Variants in FLVCR1 observed in about 807,000 individuals in gnomAD.
FLVCR1 encodes FLVCR choline and heme transporter 1.
FLVCR1 carries 34 observed loss-of-function variants against 53.6 expected under a neutral mutation model. The observed-to-expected ratio is 0.63, with a 90% CI of 0.48 to 0.84. The LOEUF (loss-of-function observed/expected upper bound fraction) is 0.84. Among genes scored for constraint, FLVCR1 ranks in the 40% least tolerant of loss-of-function variants. FLVCR1 has a pLI of 0.00. For synonymous variants in FLVCR1, 300 were observed against 286.3 expected (o/e 1.05, Z -0.48); for missense variants, 677 against 696.7 (o/e 0.97, Z 0.32).
chr1:212,873,183 C>T (rs41297446), intron 3 of FLVCR1, among the ~76,000 whole-genome samples: 33,848 of 151,698 alleles, frequency 0.22, 4,397 homozygotes, highest in East Asian at 0.44. Context: ...CATGGTGGCA[C>T]ACGCCTGTAA....
rs774614268 is a variant in FLVCR1 at position 212,896,855 on chromosome 1, T to TAAAAAAAAAAAAAAAA, written c.*1583_*1598dup. 2.9e-4 allele frequency: 5 copies of TAAAAAAAAAAAAAAAA among 17,112 alleles called. 1 individual carries two copies. The highest frequency in any genetic ancestry group is 6.5e-4 in the African/African-American group (4 of 6,136). 1.1% of individuals were successfully genotyped at this position (17,112 alleles called of 1,614,324 possible). A position where few individuals can be genotyped will look rare whatever the true frequency, so the allele number is the denominator to read the frequency against. On this transcript the variant is annotated 3_prime_UTR_variant, in exon 10 of 10. Coordinates refer to ENST00000366971, the MANE Select transcript of FLVCR1 (RefSeq NM_014053.4). ...CAACATGGTAAAACCCCATCTCTAC[T>TAAAAAAAAAAAAAAAA]AAAAAAAAAAAAAAAAAAAAAAAAA...
chr1:212,888,880 G>A (rs989314181), intron 7 of FLVCR1, among the ~76,000 whole-genome samples: 1 of 151,944 alleles, frequency 6.6e-6, no homozygotes, highest in African/African-American at 2.4e-5. Context: ...TGTAGAGATG[G>A]TGTTTTGCCA....
chr1:212,858,764 C>T lies in FLVCR1; in HGVS notation c.312C>T (p.Ser104=), dbSNP rs1169047994. 5.0e-6 allele frequency: 8 copies of T among 1,613,776 alleles called. No homozygotes were observed. The South Asian group carries it at 7.7e-5, about 16-fold the overall frequency. The change falls in exon 1 of 10, where the codon TCC becomes TCT. Residue 104 remains serine, a synonymous_variant. Coordinates refer to ENST00000366971, the MANE Select transcript of FLVCR1 (RefSeq NM_014053.4). ...GCCCGCTGCCCCTTACGGCGCTCTC[C>T]CCGCGGCGCTTCGTGGTGCTCCTGA... ...ESSPLPLTAL[S]PRRFVVLLIF...
intron 2 of FLVCR1, among the ~76,000 whole-genome samples, chr1:212,866,796 G>A (rs1286206224): frequency 6.6e-6 from 1 of 152,112 alleles, no homozygotes; most frequent in East Asian, 1.9e-4. Context: ...ATTAAACAAA[G>A]GCTCTTTGTC....
At chr1:212,881,763 A>G (rs1159752630) in intron 3 of FLVCR1, among the ~76,000 whole-genome samples, 1 of 152,256 alleles carries the variant, frequency 6.6e-6, no homozygotes, top group African/African-American at 2.4e-5. Context: ...GAAAAAGGGA[A>G]AAGACAGGAC....
At chr1:212,876,911 C>T (rs1258303202) in intron 3 of FLVCR1, among the ~76,000 whole-genome samples, 1 of 152,164 alleles carries the variant, frequency 6.6e-6, no homozygotes, top group Non-Finnish European at 1.5e-5. Flanking sequence ...GAAATTGTCA[C>T]ACTGTCTTCT....
intron 2 of FLVCR1, among the ~76,000 whole-genome samples, chr1:212,865,754 T>TTA: frequency 6.6e-6 from 1 of 151,938 alleles, no homozygotes; most frequent in Non-Finnish European, 1.5e-5. Flanking sequence ...AGTGCTGGGA[T>TTA]TATAGGCATG....
At chr1:212,885,838 A>T (rs1322600267) in intron 5 of FLVCR1, among the ~76,000 whole-genome samples, 1 of 152,026 alleles carries the variant, frequency 6.6e-6, no homozygotes, top group Non-Finnish European at 1.5e-5. Flanking sequence ...GGCGTGAGCC[A>T]CCGCGCCCAG....
intron 1 of FLVCR1, 27 bp from the exon 2 acceptor site, chr1:212,863,698 C>A: frequency 6.2e-7 from 1 of 1,611,280 alleles, no homozygotes. Context: ...ATGATAATAG[C>A]TGTTAACAGG....
chr1:212,888,730 G>A, intron 7 of FLVCR1, 136 bp downstream of exon 7: 1 of 711,510 alleles, frequency 1.4e-6, no homozygotes, highest in Non-Finnish European at 2.5e-6. Flanking sequence ...AGCCATCCAA[G>A]CTGGAGTGCA....
intron 4 of FLVCR1, among the ~76,000 whole-genome samples, chr1:212,883,816 T>C (rs540665080): frequency 2.0e-5 from 3 of 148,148 alleles, no homozygotes; most frequent in African/African-American, 7.4e-5. Context: ...CTGGGCCCCA[T>C]CTGATAGGTT....
chr1:212,895,146 C>A, intron 9 of FLVCR1, 70 bp from the exon 10 acceptor site: 1 of 1,395,710 alleles, frequency 7.2e-7, no homozygotes, highest in South Asian at 1.2e-5. Context: ...TCTCCCGAGT[C>A]AACTGTTGAT....
Position 212,896,855 on chromosome 1 carries a change from T to TAAAAAAAAAAAAAAAAAAAAAA in FLVCR1, c.*1577_*1598dup, listed in dbSNP as rs774614268. 2 of 17,112 alleles carry TAAAAAAAAAAAAAAAAAAAAAA rather than the reference T, an allele frequency of 1.2e-4. No homozygotes were observed. Among genetic ancestry groups the TAAAAAAAAAAAAAAAAAAAAAA allele is most frequent in the Non-Finnish European group, 2.3e-4 (2 of 8,608 alleles). The allele number at this position is 17,112 out of a possible 1,614,324, so 1.1% of individuals were successfully genotyped here. On this transcript the variant is annotated 3_prime_UTR_variant, in exon 10 of 10. Transcript: ENST00000366971. ...CAACATGGTAAAACCCCATCTCTAC[T>TAAAAAAAAAAAAAAAAAAAAAA]AAAAAAAAAAAAAAAAAAAAAAAAA... is the stretch of plus-strand genomic sequence containing the variant.
At chr1:212,883,114 T>C (rs1044309561) in intron 3 of FLVCR1, among the ~76,000 whole-genome samples, 4 of 152,202 alleles carry the variant, frequency 2.6e-5, no homozygotes, top group African/African-American at 9.6e-5. Context: ...TATCTCAATC[T>C]AAATAATAAT....
intron 2 of FLVCR1, among the ~76,000 whole-genome samples, chr1:212,869,129 C>T (rs1011572645): frequency 1.1e-4 from 17 of 152,164 alleles, no homozygotes; most frequent in African/African-American, 4.1e-4. Flanking sequence ...AGATTTGCAA[C>T]GTATTCATCA....
chr1:212,861,076 A>G (rs1006196331), intron 1 of FLVCR1, among the ~76,000 whole-genome samples: 1 of 152,062 alleles, frequency 6.6e-6, no homozygotes, highest in Non-Finnish European at 1.5e-5. Flanking sequence ...AGTGGCTTCC[A>G]TTGTCCTTAG....
At chr1:212,868,477 G>A (rs1428203682) in intron 2 of FLVCR1, among the ~76,000 whole-genome samples, 10 of 152,134 alleles carry the variant, frequency 6.6e-5, no homozygotes, top group East Asian at 5.8e-4. Flanking sequence ...GCAGTGACGC[G>A]ATCTCCGCTC....
chr1:212,891,920 A>T (rs1587175), intron 8 of FLVCR1, among the ~76,000 whole-genome samples: 60,042 of 152,126 alleles, frequency 0.39, 13,361 homozygotes, highest in South Asian at 0.52. Flanking sequence ...CAGCCTATTG[A>T]TATGGAGAAA....
In FLVCR1 at chr1:212,858,950, G is replaced by T; in HGVS notation, c.498G>T (p.Trp166Cys). The change falls in exon 1 of 10, where the codon TGG becomes TGT. Residue 166 changes from tryptophan (W) to cysteine (C), a missense_variant. By Grantham distance (215) the Trp-to-Cys change is radical. Coordinates refer to ENST00000366971, the MANE Select transcript of FLVCR1 (RefSeq NM_014053.4). ...AYVPLIFPAT[W>C]LLDTRGLRLT... ...TGCCCCTCATCTTCCCGGCCACCTGGCTGCTGGACACCAGAGGCCTGCGGC... is the reference window on the plus strand; with the variant it reads ...TGCCCCTCATCTTCCCGGCCACCTGTCTGCTGGACACCAGAGGCCTGCGGC... 6.2e-7 allele frequency: 1 copy of T among 1,614,202 alleles called. No individual in the cohort carries two copies. Among genetic ancestry groups the T allele is most frequent in the Non-Finnish European group, 8.5e-7 (1 of 1,180,044 alleles).
Sources: gnomAD v4.1 joint callset for allele counts (sites outside exome capture counted in the v4.1 genomes callset) on GRCh38, gnomAD v4.1.1 for gene constraint, MANE v1.5 for transcripts, NCBI Gene and HGNC (gene_info 2026-07-23, HGNC 2026-07-21) for gene names.